Variants in PUM1 observed in about 807,000 individuals in gnomAD.
The protein encoded by PUM1 is pumilio RNA binding family member 1.
In PUM1, 13 loss-of-function variants were observed where a neutral mutation model predicts 131.8. The observed-to-expected ratio is 0.10, with a 90% CI of 0.06 to 0.16. The LOEUF is 0.16. Among genes scored for constraint, PUM1 ranks in the 10% least tolerant of loss-of-function variants. The probability of loss-of-function intolerance (pLI) is 1.00; values close to 1 mark genes in which losing one functional copy is unlikely to be tolerated. For missense variants in PUM1, 961 were observed against 1,512.4 expected (o/e 0.64, Z 6.05); for synonymous variants, 509 against 556.5 (o/e 0.91, Z 1.20).
chr1:31,056,609 C>CTTTTCTTTTTTTTTTTT lies in PUM1; in HGVS notation c.363+2594_363+2595insAAAAAAAAAAAAGAAAA, dbSNP rs1644245029. Among the ~76,000 whole-genome samples, 11 of 43,688 alleles carry CTTTTCTTTTTTTTTTTT rather than the reference C, an allele frequency of 2.5e-4. 1 individual carries two copies. The highest frequency in any genetic ancestry group is 4.4e-4 in the Non-Finnish European group (11 of 24,874). 28.7% of individuals were successfully genotyped at this position (43,688 alleles called of 152,430 possible). On this transcript the variant is annotated intron_variant, in intron 2 of 21. Coordinates refer to ENST00000426105, the MANE Select transcript of PUM1 (RefSeq NM_001020658.2). ...CAGCTGAAAACCTTCCTTTTCTTTT[C>CTTTTCTTTTTTTTTTTT]TTTTTTTTTTTTTTTTTTTTTTTTT...
chr1:31,057,724 C>CAAAAAAAAA (rs58490041), intron 2 of PUM1, among the ~76,000 whole-genome samples: 3 of 72,472 alleles, frequency 4.1e-5, no homozygotes, highest in African/African-American at 5.9e-5. Flanking sequence ...GACTCCATCT[C>CAAAAAAAAA]AAAAAAAAAA....
intron 7 of PUM1, among the ~76,000 whole-genome samples, chr1:30,983,587 A>T (rs1641435557): frequency 6.6e-6 from 1 of 151,876 alleles, no homozygotes; most frequent in Non-Finnish European, 1.5e-5. Flanking sequence ...CATCTGACTT[A>T]ACCTCACTTC....
At chr1:31,048,792 A>G (rs1186863094) in intron 2 of PUM1, among the ~76,000 whole-genome samples, 3 of 151,998 alleles carry the variant, frequency 2.0e-5, no homozygotes, top group Non-Finnish European at 4.4e-5. Context: ...TAAATTCTAT[A>G]ACCCATTATT....
intron 2 of PUM1, among the ~76,000 whole-genome samples, chr1:31,038,984 ATTTTT>A (rs35507851): frequency 4.2e-4 from 21 of 49,418 alleles, no homozygotes; most frequent in Non-Finnish European, 4.3e-4. Context: ...ATATATATAT[ATTTTT>A]TTTTTTTTTT....
chr1:31,056,795 T>A (rs1257903843), intron 2 of PUM1, among the ~76,000 whole-genome samples: 2 of 151,370 alleles, frequency 1.3e-5, no homozygotes, highest in Non-Finnish European at 2.9e-5. Flanking sequence ...CCCAGCTAAT[T>A]TTTTACTTTA....
chr1:31,060,273 C>A (rs945603705), intron 1 of PUM1, among the ~76,000 whole-genome samples: 1 of 151,046 alleles, frequency 6.6e-6, no homozygotes, highest in Admixed American at 6.6e-5. Context: ...CCAGCCTGGC[C>A]AACATGGTGA....
intron 2 of PUM1, among the ~76,000 whole-genome samples, chr1:31,054,144 TG>T (rs1184033221): frequency 1.5e-5 from 2 of 132,176 alleles, no homozygotes; most frequent in East Asian, 4.3e-4. Context: ...AGCCTGAGCA[TG>T]GCAAAACTCC....
intron 3 of PUM1, among the ~76,000 whole-genome samples, chr1:31,015,096 T>G (rs578164483): frequency 1.2e-4 from 18 of 152,312 alleles, no homozygotes; most frequent in African/African-American, 4.3e-4. Context: ...ATTGTACATG[T>G]AAAGACTGCT....
chr1:31,037,517 G>C (rs1045645201), intron 2 of PUM1, among the ~76,000 whole-genome samples: 1 of 151,688 alleles, frequency 6.6e-6, no homozygotes, highest in African/African-American at 2.4e-5. Context: ...TCAGGAGTTT[G>C]AGACCAGCCT....
At chr1:30,991,066 A>G (rs1641769174) in intron 7 of PUM1, among the ~76,000 whole-genome samples, 2 of 125,258 alleles carry the variant, frequency 1.6e-5, no homozygotes, top group African/African-American at 7.6e-5. Context: ...AGTAAAGAAC[A>G]GTTTAAAAAA....
At chr1:30,952,688 G>GGC (rs1190378584) in intron 15 of PUM1, among the ~76,000 whole-genome samples, 1 of 96,052 alleles carries the variant, frequency 1.0e-5, no homozygotes, top group Non-Finnish European at 2.3e-5. Flanking sequence ...GGGGGCGGGG[G>GGC]GGGGGCGGGA....
chr1:30,965,354 G>A (rs751242089), intron 13 of PUM1, among the ~76,000 whole-genome samples: 3 of 152,208 alleles, frequency 2.0e-5, no homozygotes, highest in Non-Finnish European at 4.4e-5. Flanking sequence ...TCAATCGAGA[G>A]TTAATGCTGC....
At chr1:31,056,604 CTTTTCTTTTTTTTTTTTTTT>C (rs1309387120) in intron 2 of PUM1, among the ~76,000 whole-genome samples, 44 of 79,708 alleles carry the variant, frequency 5.5e-4, no homozygotes, top group East Asian at 4.5e-3. Flanking sequence ...CCTTCCTTTT[CTTTTCTTTTTTTTTTTTTTT>C]TTTTTTTTTT....
intron 18 of PUM1, among the ~76,000 whole-genome samples, chr1:30,943,374 TG>T (rs1639540510): frequency 6.6e-6 from 1 of 152,154 alleles, no homozygotes; most frequent in South Asian, 2.1e-4. Flanking sequence ...GCAATTCTCC[TG>T]CTTCAGCCTC....
At chr1:30,954,413 C>T (rs1193056624) in intron 14 of PUM1, among the ~76,000 whole-genome samples, 1 of 152,194 alleles carries the variant, frequency 6.6e-6, no homozygotes, top group Non-Finnish European at 1.5e-5. Context: ...CCATTTCCAT[C>T]TGAAACCCAC....
intron 21 of PUM1, among the ~76,000 whole-genome samples, chr1:30,934,703 T>C (rs72884032): frequency 0.019 from 2,842 of 152,322 alleles, 96 homozygotes; most frequent in African/African-American, 0.063. Context: ...AAGATCCCCT[T>C]GCTTTTGGTA....
intron 1 of PUM1, among the ~76,000 whole-genome samples, chr1:31,062,338 A>T (rs2124027284): frequency 6.6e-6 from 1 of 152,232 alleles, no homozygotes; most frequent in East Asian, 1.9e-4. Context: ...AATGCTACAA[A>T]GTGTCCGGAC....
chr1:30,952,762 G>C (rs1411526340), intron 15 of PUM1, among the ~76,000 whole-genome samples: 1 of 149,380 alleles, frequency 6.7e-6, no homozygotes, highest in Non-Finnish European at 1.5e-5. Flanking sequence ...TACCCTACTT[G>C]ACTTTTTTCC....
At chr1:30,955,229 G>A (rs1640106159) in intron 14 of PUM1, among the ~76,000 whole-genome samples, 1 of 151,410 alleles carries the variant, frequency 6.6e-6, no homozygotes, top group African/African-American at 2.4e-5. Flanking sequence ...GCTGAGACGG[G>A]CCGATCACAA....
Sources: allele counts gnomAD v4.1 joint callset (sites outside exome capture counted in the v4.1 genomes callset), GRCh38; gene constraint gnomAD v4.1.1; transcripts MANE v1.5; gene names NCBI Gene and HGNC (gene_info 2026-07-23, HGNC 2026-07-21).